The following CSMD1 variants were observed in gnomAD, a reference collection of about 807,000 sequenced individuals.
CSMD1 encodes CUB and Sushi multiple domains 1.
In CSMD1, 213 loss-of-function variants were observed where a neutral mutation model predicts 417.5. The ratio of observed to expected loss-of-function variants is 0.51; its 90% CI spans 0.46 to 0.57. The LOEUF is 0.57. CSMD1 is among the 20% of genes least tolerant of loss of function. CSMD1 has a pLI of 0.00. For missense variants in CSMD1, 6,923 were observed against 4,529.7 expected, an observed-to-expected ratio of 1.53 and a Z score of -15.17; for synonymous variants, 2,862 against 1,736.8, an observed-to-expected ratio of 1.65 and a Z score of -16.11.
In CSMD1 at chr8:3,586,259, C is replaced by G. The variant is rs1294174714; in HGVS notation, c.1099G>C (p.Val367Leu). ...CATGAAAACTGTACATTTGCACCAA[C>G]CCTAAGCCGTTAAAAAAGAAAAAAA... The part of the protein sequence containing the change: ...NGRRAGSDFR[V>L]GANVQFSCED... The change falls in exon 9 of 70, where the codon GTT becomes CTT. Residue 367 changes from valine to leucine, a missense_variant and splice_region_variant. Val to Leu is a conservative substitution (Grantham distance 32). Transcript: ENST00000635120. 1.3e-6 allele frequency: 2 copies of G among 1,559,214 alleles called. No individual in the cohort carries two copies. Among genetic ancestry groups the G allele is most frequent in the Non-Finnish European group, 1.7e-6 (2 of 1,162,350 alleles).
intron 5 of CSMD1, among the ~76,000 whole-genome samples, chr8:3,931,967 A>T (rs1197174041): frequency 6.7e-6 from 1 of 150,040 alleles, no homozygotes; most frequent in Non-Finnish European, 1.5e-5. Context: ...CTTTTTAAAA[A>T]ATTAAAATAG....
chr8:4,701,071 T>G (rs925035380), intron 1 of CSMD1, among the ~76,000 whole-genome samples: 10 of 151,948 alleles, frequency 6.6e-5, no homozygotes, highest in African/African-American at 1.2e-4. Context: ...GATAGATGAG[T>G]TTTATTGAAA....
At chr8:4,292,433 T>C (rs1797423478) in intron 3 of CSMD1, among the ~76,000 whole-genome samples, 1 of 152,042 alleles carries the variant, frequency 6.6e-6, no homozygotes, top group African/African-American at 2.4e-5. Flanking sequence ...TTTGTGTTTT[T>C]AATACAGACG....
intron 11 of CSMD1, among the ~76,000 whole-genome samples, chr8:3,492,864 A>G (rs1263479507): frequency 2.6e-5 from 4 of 151,770 alleles, no homozygotes; most frequent in Non-Finnish European, 4.4e-5. Flanking sequence ...TTTATTACGC[A>G]GTTTTACAGG....
chr8:3,498,417 A>T (rs999435994), intron 10 of CSMD1, among the ~76,000 whole-genome samples: 1 of 152,192 alleles, frequency 6.6e-6, no homozygotes, highest in Non-Finnish European at 1.5e-5. Context: ...TTACAAAATC[A>T]CCAGGAGAGA....
chr8:4,635,083 CAT>C (rs1424729468), intron 2 of CSMD1, among the ~76,000 whole-genome samples: 4 of 152,146 alleles, frequency 2.6e-5, no homozygotes, highest in African/African-American at 9.7e-5. Context: ...AGAAATATGA[CAT>C]ATTTTTCTCT....
chr8:3,725,155 A>C (rs963858544), intron 6 of CSMD1, among the ~76,000 whole-genome samples: 14 of 152,140 alleles, frequency 9.2e-5, no homozygotes, highest in Admixed American at 7.2e-4. Flanking sequence ...AAAGGGACTA[A>C]AGGAGGGAGC....
At chr8:3,869,940 G>T (rs1035670009) in intron 5 of CSMD1, among the ~76,000 whole-genome samples, 2 of 151,718 alleles carry the variant, frequency 1.3e-5, no homozygotes, top group South Asian at 4.2e-4. Flanking sequence ...AAAAGAGAGT[G>T]AGCTAGCTAT....
chr8:2,995,029 C>T (rs1806756315), intron 54 of CSMD1, among the ~76,000 whole-genome samples: 1 of 152,100 alleles, frequency 6.6e-6, no homozygotes, highest in Non-Finnish European at 1.5e-5. Context: ...ACATCAATAC[C>T]ATGACCCAGA....
At chr8:3,224,318 C>A (rs1798376247) in intron 27 of CSMD1, among the ~76,000 whole-genome samples, 1 of 152,124 alleles carries the variant, frequency 6.6e-6, no homozygotes, top group Non-Finnish European at 1.5e-5. Context: ...TTGCCTATTT[C>A]TTCTTGAGTG....
intron 2 of CSMD1, among the ~76,000 whole-genome samples, chr8:4,455,906 G>A (rs559696163): frequency 8.2e-5 from 7 of 84,852 alleles, no homozygotes; most frequent in Admixed American, 2.0e-4. Flanking sequence ...TCCAGCCTGG[G>A]TGACAAAGTG....
intron 12 of CSMD1, among the ~76,000 whole-genome samples, chr8:3,415,039 C>G (rs933512670): frequency 2.0e-5 from 3 of 152,184 alleles, no homozygotes; most frequent in Non-Finnish European, 4.4e-5. Context: ...AGAGTCAACA[C>G]ACAACAGATG....
At chr8:4,370,594 T>C (rs1802339725) in intron 3 of CSMD1, among the ~76,000 whole-genome samples, 1 of 152,216 alleles carries the variant, frequency 6.6e-6, no homozygotes, top group Admixed American at 6.5e-5. Context: ...TTGGTCTCTT[T>C]GCATAATCTC....
chr8:3,620,345 G>A (rs928440041), intron 7 of CSMD1, among the ~76,000 whole-genome samples: 4 of 150,922 alleles, frequency 2.7e-5, no homozygotes, highest in African/African-American at 9.9e-5. Flanking sequence ...AAAAGAAAAG[G>A]GTCCCTAGTA....
chr8:4,370,262 C>A (rs11986849), intron 3 of CSMD1, among the ~76,000 whole-genome samples: 7,082 of 152,232 alleles, frequency 0.047, 415 homozygotes, highest in African/African-American at 0.14. Flanking sequence ...ATATTCAATA[C>A]AGGCTCCCAG....
At chr8:4,915,501 G>C (rs1009907323) in intron 1 of CSMD1, among the ~76,000 whole-genome samples, 1 of 152,082 alleles carries the variant, frequency 6.6e-6, no homozygotes, top group South Asian at 2.1e-4. Context: ...TTTTTCTTGG[G>C]TTTCCATACA....
chr8:4,281,294 A>G (rs1024838994), intron 3 of CSMD1, among the ~76,000 whole-genome samples: 1 of 152,216 alleles, frequency 6.6e-6, no homozygotes, highest in African/African-American at 2.4e-5. Flanking sequence ...GAAGGTAGAG[A>G]TATGAAAACC....
rs1800637373 is a variant in CSMD1, at chr8:3,804,776, A to C, written c.819-50734T>G. Among the ~76,000 whole-genome samples the C allele has an allele frequency of 2.0e-5, 3 of 152,250 alleles. No individual in the cohort carries two copies. The South Asian group carries it at 6.2e-4, about 31-fold the overall frequency. ...GCCTTTAATTTTACAGTAGCTGAGA[A>C]AGAAAATATGTTTGGTAATCTAATT... On this transcript the variant is annotated intron_variant, in intron 5 of 69. Coordinates refer to ENST00000635120, the MANE Select transcript of CSMD1 (RefSeq NM_033225.6).
chr8:4,107,564 T>G (rs1310772895), intron 3 of CSMD1, among the ~76,000 whole-genome samples: 1 of 152,234 alleles, frequency 6.6e-6, no homozygotes, highest in Non-Finnish European at 1.5e-5. Context: ...TAGCACCTGC[T>G]GGCTTCTAAT....
Sources: allele counts gnomAD v4.1 joint callset (sites outside exome capture counted in the v4.1 genomes callset), GRCh38; gene constraint gnomAD v4.1.1; transcripts MANE v1.5; gene names NCBI Gene and HGNC (gene_info 2026-07-23, HGNC 2026-07-21).